The following EXOC6 variants were observed in gnomAD, a reference collection of about 807,000 sequenced individuals.
EXOC6 encodes the protein SEC15-like 1.
A neutral mutation model predicts 112.5 loss-of-function variants in EXOC6; 60 were observed. The ratio of observed to expected loss-of-function variants is 0.53; its 90% CI spans 0.43 to 0.66. EXOC6 has a LOEUF of 0.66. Ranked by LOEUF, EXOC6 falls within the 30% of genes least tolerant of loss-of-function variation. EXOC6 has a pLI of 0.00. For synonymous variants in EXOC6, 295 were observed against 308.0 expected (o/e 0.96, Z 0.44); for missense variants, 855 against 957.1 (o/e 0.89, Z 1.41).
chr10:92,973,579 A>G (rs1842380824), intron 17 of EXOC6, among the ~76,000 whole-genome samples: 1 of 152,196 alleles, frequency 6.6e-6, no homozygotes, highest in Non-Finnish European at 1.5e-5. Context: ...TTCTCAGAGA[A>G]ATTAACTATC....
chr10:93,027,620 A>G (rs1460104803), intron 20 of EXOC6, among the ~76,000 whole-genome samples: 5 of 152,212 alleles, frequency 3.3e-5, no homozygotes, highest in Non-Finnish European at 7.3e-5. Flanking sequence ...GAATTGTTAC[A>G]TCTGCCTGTG....
Position 92,902,232 on chromosome 10 carries a change from G to A in EXOC6, c.458+2588G>A, listed in dbSNP as rs571621519. Reference sequence around the variant, plus strand: ...ACTTTTTGTGGTGGGTACTTAGTGAGCCTTCTTTTAATCTGGAAATTATCC... The same window carrying A: ...ACTTTTTGTGGTGGGTACTTAGTGAACCTTCTTTTAATCTGGAAATTATCC... On this transcript the variant is annotated intron_variant, in intron 5 of 21. Coordinates refer to ENST00000260762, the MANE Select transcript of EXOC6 (RefSeq NM_019053.6). Among the ~76,000 whole-genome samples, 40 of 152,138 alleles carry A rather than the reference G, an allele frequency of 2.6e-4. 1 individual carries two copies. Among genetic ancestry groups the A allele is most frequent in the African/African-American group, 9.2e-4 (38 of 41,506 alleles).
At chr10:92,886,681 A>G (rs916095246) in intron 1 of EXOC6, among the ~76,000 whole-genome samples, 3 of 152,186 alleles carry the variant, frequency 2.0e-5, no homozygotes. Flanking sequence ...TTCCCAAACT[A>G]CATTTGTAAA....
At chr10:92,863,604 C>T (rs564756652) in intron 1 of EXOC6, among the ~76,000 whole-genome samples, 4 of 152,088 alleles carry the variant, frequency 2.6e-5, no homozygotes, top group East Asian at 1.9e-4. Context: ...ATGGAGAGAT[C>T]CCATCTCTAC....
At chr10:92,973,726 G>A (rs1458418985) in intron 17 of EXOC6, among the ~76,000 whole-genome samples, 1 of 152,126 alleles carries the variant, frequency 6.6e-6, no homozygotes. Flanking sequence ...TGTGTTCTTG[G>A]CAACTTTCGT....
chr10:92,898,848 A>G (rs1368348370), intron 4 of EXOC6, among the ~76,000 whole-genome samples: 4 of 152,122 alleles, frequency 2.6e-5, no homozygotes, highest in Admixed American at 6.5e-5. Flanking sequence ...CTGGAAAAAA[A>G]TGTTGTCTGT....
chr10:92,883,840 A>G (rs1224152950), intron 1 of EXOC6, among the ~76,000 whole-genome samples: 1 of 152,194 alleles, frequency 6.6e-6, no homozygotes, highest in Non-Finnish European at 1.5e-5. Flanking sequence ...GAAGTAACTG[A>G]TAGTATTTTG....
chr10:93,033,230 G>C (rs557673191), intron 20 of EXOC6, among the ~76,000 whole-genome samples: 2 of 152,202 alleles, frequency 1.3e-5, no homozygotes, highest in Admixed American at 1.3e-4. Context: ...ATTAGAATCA[G>C]GAAGAGCAAT....
At chr10:92,874,556 ATG>A (rs139632796) in intron 1 of EXOC6, among the ~76,000 whole-genome samples, 22 of 151,326 alleles carry the variant, frequency 1.5e-4, no homozygotes, top group South Asian at 4.2e-4. Context: ...ATTGTAAGAA[ATG>A]TGTGTGTGTG....
chr10:92,839,047 C>T (rs901403407), intron 1 of EXOC6, among the ~76,000 whole-genome samples: 5 of 151,680 alleles, frequency 3.3e-5, no homozygotes, highest in Admixed American at 6.6e-5. Flanking sequence ...CACTCTGGCC[C>T]GGGCGACAGA....
At chr10:92,975,925 G>A (rs187176706) in intron 18 of EXOC6, among the ~76,000 whole-genome samples, 2 of 128,618 alleles carry the variant, frequency 1.6e-5, no homozygotes, top group African/African-American at 2.9e-5. Flanking sequence ...AGGTGGGGGG[G>A]TCAGCCCCCC....
chr10:92,947,152 A>G (rs577624818), intron 13 of EXOC6, among the ~76,000 whole-genome samples: 125 of 152,356 alleles, frequency 8.2e-4, no homozygotes, highest in Non-Finnish European at 1.6e-3. Flanking sequence ...AGGTTATGCT[A>G]CAGCAACAAA....
At chr10:92,854,024 AG>A (rs1250886404) in intron 1 of EXOC6, among the ~76,000 whole-genome samples, 38 of 146,520 alleles carry the variant, frequency 2.6e-4, no homozygotes, top group African/African-American at 8.8e-4. Flanking sequence ...AAAAAAAAAA[AG>A]GAAAGAAAGA....
At chr10:92,959,574 A>G (rs1453847009) in intron 17 of EXOC6, among the ~76,000 whole-genome samples, 2 of 152,220 alleles carry the variant, frequency 1.3e-5, no homozygotes, top group East Asian at 1.9e-4. Context: ...TGAGAAGACA[A>G]GCCACAGAAC....
chr10:92,838,684 A>T (rs528595140), intron 1 of EXOC6, among the ~76,000 whole-genome samples: 14 of 152,344 alleles, frequency 9.2e-5, no homozygotes, highest in African/African-American at 3.1e-4. Context: ...AGCCATGCAG[A>T]TGGCGACTGA....
chr10:92,836,676 C>G (rs755007138), intron 1 of EXOC6, among the ~76,000 whole-genome samples: 3 of 152,120 alleles, frequency 2.0e-5, no homozygotes, highest in Non-Finnish European at 4.4e-5. Context: ...ATTTTCTAAA[C>G]TGTTCATCTA....
intron 13 of EXOC6, among the ~76,000 whole-genome samples, chr10:92,945,907 A>T (rs1344361436): frequency 6.6e-6 from 1 of 152,162 alleles, no homozygotes; most frequent in African/African-American, 2.4e-5. Flanking sequence ...AATACCAAAA[A>T]AGTAATTTTT....
intron 17 of EXOC6, among the ~76,000 whole-genome samples, chr10:92,969,850 C>T (rs181740929): frequency 3.1e-4 from 47 of 152,174 alleles, no homozygotes; most frequent in African/African-American, 1.1e-3. Context: ...TACACCACCA[C>T]GCCCGGCTAA....
chr10:92,941,438 G>T (rs1398310032), intron 13 of EXOC6, among the ~76,000 whole-genome samples: 2 of 152,094 alleles, frequency 1.3e-5, no homozygotes, highest in Non-Finnish European at 2.9e-5. Context: ...AATCTTTTGG[G>T]TTTATACCCA....
Sources: allele counts gnomAD v4.1 joint callset (sites outside exome capture counted in the v4.1 genomes callset), GRCh38; gene constraint gnomAD v4.1.1; transcripts MANE v1.5; gene names NCBI Gene and HGNC (gene_info 2026-07-23, HGNC 2026-07-21).